Variants in PTPRD observed in about 807,000 individuals in gnomAD.
PTPRD encodes the protein receptor-type tyrosine-protein phosphatase delta.
A neutral mutation model predicts 214.5 loss-of-function variants in PTPRD; 34 were observed. That is an observed-to-expected ratio of 0.16 (90% confidence interval 0.12 to 0.21). The LOEUF is 0.21. PTPRD is among the 10% of genes least tolerant of loss of function. The pLI, the probability that PTPRD is intolerant of heterozygous loss-of-function variation, is 1.00. For synonymous variants in PTPRD, 1,128 were observed against 845.7 expected (o/e 1.33, Z -5.79); for missense variants, 2,545 against 2,398.7 (o/e 1.06, Z -1.27).
intron 7 of PTPRD, among the ~76,000 whole-genome samples, chr9:9,629,405 T>G (rs1355583579): frequency 1.3e-5 from 2 of 152,094 alleles, no homozygotes; most frequent in African/African-American, 2.4e-5. Context: ...TTCATTCTTT[T>G]AATAGCAAGT....
chr9:8,749,991 T>A (rs1011641365), intron 11 of PTPRD, among the ~76,000 whole-genome samples: 1 of 151,232 alleles, frequency 6.6e-6, no homozygotes. Context: ...TAGTCCCAGC[T>A]CCTCGGGAAG....
At chr9:8,498,302 A>G (rs1441643165) in intron 25 of PTPRD, among the ~76,000 whole-genome samples, 1 of 152,082 alleles carries the variant, frequency 6.6e-6, no homozygotes, top group Non-Finnish European at 1.5e-5. Context: ...TTTGAGATGC[A>G]ATCTTCCTCT....
At chr9:10,319,209 T>G (rs1199010482) in intron 3 of PTPRD, among the ~76,000 whole-genome samples, 1 of 152,104 alleles carries the variant, frequency 6.6e-6, no homozygotes, top group East Asian at 1.9e-4. Flanking sequence ...TAATGCATTA[T>G]TAATCAGTCT....
intron 2 of PTPRD, among the ~76,000 whole-genome samples, chr9:10,376,544 T>C (rs1214440649): frequency 4.0e-5 from 6 of 151,590 alleles, no homozygotes; most frequent in Non-Finnish European, 7.4e-5. Context: ...AACCAGTTGA[T>C]TGGAGGAAAG....
At chr9:9,771,285 T>A (rs1275726609) in intron 5 of PTPRD, among the ~76,000 whole-genome samples, 1 of 152,182 alleles carries the variant, frequency 6.6e-6, no homozygotes, top group African/African-American at 2.4e-5. Context: ...TCTTTTAAGG[T>A]ATCTGATAGT....
intron 2 of PTPRD, among the ~76,000 whole-genome samples, chr9:10,467,579 C>T (rs139890022): frequency 2.2e-4 from 34 of 152,138 alleles, no homozygotes; most frequent in African/African-American, 5.1e-4. Context: ...AATATATAAA[C>T]GTGTGTGTAC....
chr9:9,176,867 G>A (rs2099925200), intron 10 of PTPRD, among the ~76,000 whole-genome samples: 1 of 152,036 alleles, frequency 6.6e-6, no homozygotes. Context: ...TACTCATGCG[G>A]GGGTATTGTG....
intron 10 of PTPRD, among the ~76,000 whole-genome samples, chr9:9,176,547 C>T (rs866768842): frequency 1.3e-5 from 2 of 152,240 alleles, no homozygotes; most frequent in Admixed American, 6.5e-5. Flanking sequence ...CATTAAAACT[C>T]ATGTTGAAAC....
intron 38 of PTPRD, 93 bp from the exon 39 acceptor site, chr9:8,376,183 T>C (rs1222757218): frequency 8.5e-6 from 12 of 1,405,048 alleles, no homozygotes; most frequent in Non-Finnish European, 1.1e-5. Flanking sequence ...AAATGTGCTA[T>C]TTTAATTCCT....
In PTPRD at chr9:9,900,102, G is replaced by T. The variant is rs947484549; in HGVS notation, c.-368+38405C>A. On this transcript the variant is annotated intron_variant, in intron 5 of 45. Coordinates refer to ENST00000381196, the MANE Select transcript of PTPRD (RefSeq NM_002839.4). Reference sequence around the variant, plus strand: ...ACTTAATATCATGCAAATCTCTCTAGCAAGTGGTTGTTCCACAGCTGCATT... The same window carrying T: ...ACTTAATATCATGCAAATCTCTCTATCAAGTGGTTGTTCCACAGCTGCATT... 2.6e-5 allele frequency among the ~76,000 whole-genome samples: 4 copies of T among 152,128 alleles called. No individual in the cohort carries two copies. The South Asian group carries it at 6.2e-4, about 24-fold the overall frequency.
Position 9,328,295 on chromosome 9 carries a change from C to CT in PTPRD, c.-203+69153dup, listed in dbSNP as rs2040839471. Among the ~76,000 whole-genome samples the CT allele has an allele frequency of 5.9e-5, 9 of 152,196 alleles. No individual in the cohort carries two copies. The South Asian group carries it at 1.9e-3, about 32-fold the overall frequency. On this transcript the variant is annotated intron_variant, in intron 9 of 45. Transcript: ENST00000381196. ...ATAGTGGCATGTAGGACCATACATA[C>CT]TACATTCATTCTTACATGTAGTATG...
chr9:8,839,470 G>A (rs1000243286), intron 11 of PTPRD, among the ~76,000 whole-genome samples: 4 of 152,020 alleles, frequency 2.6e-5, no homozygotes, highest in African/African-American at 4.8e-5. Context: ...GACTACAGGC[G>A]GGCACCACCA....
chr9:8,528,492 C>A (rs763169888), intron 15 of PTPRD, 99 bp downstream of exon 15: 3 of 1,088,680 alleles, frequency 2.8e-6, no homozygotes. Flanking sequence ...AAAATCAGTA[C>A]CTAGAAATAA....
intron 3 of PTPRD, among the ~76,000 whole-genome samples, chr9:10,164,998 G>A (rs1784916402): frequency 6.6e-6 from 1 of 151,524 alleles, no homozygotes; most frequent in African/African-American, 2.4e-5. Context: ...ATAAGAAAAG[G>A]GGAAGAAAAT....
intron 16 of PTPRD, 81 bp downstream of exon 16, chr9:8,527,264 T>C: frequency 7.0e-7 from 1 of 1,437,794 alleles, no homozygotes; most frequent in Non-Finnish European, 9.6e-7. Flanking sequence ...ATGCATGCCA[T>C]GCATTTTATT....
chr9:8,938,594 C>T (rs540250008), intron 11 of PTPRD, among the ~76,000 whole-genome samples: 2 of 151,902 alleles, frequency 1.3e-5, no homozygotes, highest in African/African-American at 4.8e-5. Flanking sequence ...AATTGCAGGT[C>T]GGTAAAATGC....
intron 11 of PTPRD, among the ~76,000 whole-genome samples, chr9:8,827,742 C>T (rs1338949762): frequency 2.6e-5 from 4 of 152,118 alleles, no homozygotes; most frequent in African/African-American, 4.8e-5. Context: ...TATCATGTCT[C>T]ATCACTCAAA....
chr9:9,102,409 C>T (rs324542), intron 10 of PTPRD, among the ~76,000 whole-genome samples: 108,216 of 152,050 alleles, frequency 0.71, 38,734 homozygotes, highest in African/African-American at 0.74. Flanking sequence ...ACCAGAATCA[C>T]GCTGCGGGAA....
At chr9:8,429,892 T>A (rs185107047) in intron 35 of PTPRD, among the ~76,000 whole-genome samples, 2 of 152,338 alleles carry the variant, frequency 1.3e-5, no homozygotes, top group Non-Finnish European at 2.9e-5. Flanking sequence ...TGCTCCGAGT[T>A]AATACATAGC....
Sources: allele counts gnomAD v4.1 joint callset (sites outside exome capture counted in the v4.1 genomes callset), GRCh38; gene constraint gnomAD v4.1.1; transcripts MANE v1.5; gene names NCBI Gene and HGNC (gene_info 2026-07-23, HGNC 2026-07-21).